RSU1: variants seen among roughly 807,000 people sequenced by gnomAD.
RSU1 encodes the protein Ras suppressor protein 1.
A neutral mutation model predicts 31.1 loss-of-function variants in RSU1; 26 were observed. The ratio of observed to expected loss-of-function variants is 0.84; its 90% CI spans 0.61 to 1.16. RSU1 has a LOEUF of 1.16. Among genes scored for constraint, RSU1 ranks in the 50% most tolerant of loss-of-function variants. RSU1 has a pLI of 0.00. For synonymous variants in RSU1, 164 were observed against 136.3 expected (o/e 1.20, Z -1.41); for missense variants, 320 against 339.1 (o/e 0.94, Z 0.44).
rs536077156 is a variant in RSU1 at position 16,591,652 on chromosome 10, T to C, written c.*1742A>G. ...CAGTGAGTCTTCGATGATTGCTTCATGTTTCTGGGAGGTATTTCGTTCCTG... is the reference window on the plus strand; with the variant it reads ...CAGTGAGTCTTCGATGATTGCTTCACGTTTCTGGGAGGTATTTCGTTCCTG... On this transcript the variant is annotated 3_prime_UTR_variant, in exon 9 of 9. Transcript: ENST00000345264. The C allele has an allele frequency of 2.6e-5, 4 of 152,326 alleles. No individual in the cohort carries two copies. In the South Asian group the frequency reaches 8.3e-4, roughly 32 times the overall value. The allele number at this position is 152,326 out of a possible 1,614,324, so 9.4% of individuals were successfully genotyped here. A position where few individuals can be genotyped will look rare whatever the true frequency, so the allele number is the denominator to read the frequency against.
chr10:16,638,214 C>T (rs74738889), intron 8 of RSU1, among the ~76,000 whole-genome samples: 218 of 152,214 alleles, frequency 1.4e-3, no homozygotes, highest in Middle Eastern at 6.8e-3. Context: ...CAAGCTGGGT[C>T]GGCTCCCTGG....
chr10:16,772,972 C>A (rs755661762), intron 3 of RSU1, among the ~76,000 whole-genome samples: 7 of 151,992 alleles, frequency 4.6e-5, no homozygotes, highest in Admixed American at 2.6e-4. Flanking sequence ...TTTGAGAGGC[C>A]GAGGTGGGTG....
At chr10:16,740,362 G>C (rs1836726034) in intron 7 of RSU1, among the ~76,000 whole-genome samples, 1 of 152,110 alleles carries the variant, frequency 6.6e-6, no homozygotes, top group African/African-American at 2.4e-5. Context: ...AATCTGACAA[G>C]GTTTACACAA....
At position 16,600,701 on chromosome 10, in the gene RSU1, A is replaced by G. The variant is rs144457919; in HGVS notation, c.732-7205T>C. Among the ~76,000 whole-genome samples, 151 of 152,060 alleles carry G rather than the reference A, an allele frequency of 9.9e-4. No individual in the cohort carries two copies. In the East Asian group the frequency reaches 0.015, roughly 15 times the overall value. ...CTCAGCCTCCCAAGTAGCTGGGGCT[A>G]CAGGTGCAGATCACCATGCCCAGCT... On this transcript the variant is annotated intron_variant, in intron 8 of 8. Coordinates refer to ENST00000345264, the MANE Select transcript of RSU1 (RefSeq NM_012425.4).
At chr10:16,670,217 G>C (rs767227966) in intron 8 of RSU1, among the ~76,000 whole-genome samples, 1 of 152,176 alleles carries the variant, frequency 6.6e-6, no homozygotes, top group African/African-American at 2.4e-5. Context: ...AGAAGAAAGC[G>C]CAGGGGCTAG....
intron 8 of RSU1, among the ~76,000 whole-genome samples, chr10:16,683,117 A>T (rs760937127): frequency 4.8e-5 from 7 of 146,922 alleles, no homozygotes; most frequent in Non-Finnish European, 1.1e-4. Flanking sequence ...CTGGAGAATA[A>T]CATGATGTTG....
intron 7 of RSU1, among the ~76,000 whole-genome samples, chr10:16,705,039 C>G (rs780283185): frequency 6.6e-6 from 1 of 152,094 alleles, no homozygotes; most frequent in Non-Finnish European, 1.5e-5. Flanking sequence ...TTTCTCCTTT[C>G]CCTTATCTCT....
intron 7 of RSU1, among the ~76,000 whole-genome samples, chr10:16,734,498 A>T (rs963279777): frequency 6.6e-6 from 1 of 152,222 alleles, no homozygotes; most frequent in African/African-American, 2.4e-5. Context: ...ATGCGTGGAT[A>T]TGGGGGCATC....
rs10608514 is a variant in RSU1 at position 16,614,409 on chromosome 10, TA to T, written c.732-20914del. On this transcript the variant is annotated intron_variant, in intron 8 of 8. Coordinates refer to ENST00000345264, the MANE Select transcript of RSU1 (RefSeq NM_012425.4). ...AGGAAAAGTAGCAATGGTTAATGGTTAAAAAAAAAAATAGAATGAACAATAA... is the reference window on the plus strand; with the variant it reads ...AGGAAAAGTAGCAATGGTTAATGGTTAAAAAAAAAATAGAATGAACAATAA... 1.1e-3 allele frequency among the ~76,000 whole-genome samples: 165 copies of T among 145,210 alleles called. 2 individuals are homozygous for T. The East Asian group carries it at 0.021, about 18-fold the overall frequency.
intron 8 of RSU1, among the ~76,000 whole-genome samples, chr10:16,640,392 C>A (rs951203089): frequency 3.9e-5 from 6 of 152,124 alleles, no homozygotes; most frequent in Non-Finnish European, 7.4e-5. Flanking sequence ...TCATCTGGCT[C>A]CTGAAATAGC....
intron 8 of RSU1, among the ~76,000 whole-genome samples, chr10:16,647,000 A>G (rs1455541141): frequency 2.0e-5 from 3 of 150,870 alleles, no homozygotes; most frequent in African/African-American, 4.9e-5. Flanking sequence ...TTTTTTTGAG[A>G]TGGAGTCTCT....
chr10:16,687,177 A>G (rs1228776843), intron 8 of RSU1, among the ~76,000 whole-genome samples: 1 of 152,196 alleles, frequency 6.6e-6, no homozygotes, highest in African/African-American at 2.4e-5. Context: ...CACGTATACA[A>G]TGGAGTCTTA....
At chr10:16,765,624 C>T (rs1837298949) in intron 3 of RSU1, among the ~76,000 whole-genome samples, 1 of 152,198 alleles carries the variant, frequency 6.6e-6, no homozygotes, top group Non-Finnish European at 1.5e-5. Flanking sequence ...ATTCATCTAT[C>T]CCACTTGCTA....
chr10:16,711,822 AT>A (rs1399501833), intron 7 of RSU1, among the ~76,000 whole-genome samples: 2 of 152,204 alleles, frequency 1.3e-5, no homozygotes, highest in East Asian at 1.9e-4. Flanking sequence ...ATCCTGGAGA[AT>A]GTTTCATGTG....
intron 8 of RSU1, among the ~76,000 whole-genome samples, chr10:16,662,876 G>A (rs1011184852): frequency 1.3e-5 from 2 of 151,662 alleles, no homozygotes; most frequent in African/African-American, 4.8e-5. Context: ...TAACTATTCT[G>A]TGAAGTTAAA....
chr10:16,766,425 A>G (rs370992848), intron 3 of RSU1, among the ~76,000 whole-genome samples: 8 of 152,296 alleles, frequency 5.3e-5, no homozygotes, highest in East Asian at 3.9e-4. Context: ...TTACCAAGAA[A>G]ATCACCAGGG....
chr10:16,814,533 T>C (rs1413865601), intron 2 of RSU1, among the ~76,000 whole-genome samples: 1 of 152,068 alleles, frequency 6.6e-6, no homozygotes. Flanking sequence ...CTTGTATATA[T>C]TAAGCACTGT....
intron 4 of RSU1, among the ~76,000 whole-genome samples, chr10:16,761,389 T>G (rs1051477419): frequency 6.6e-6 from 1 of 152,202 alleles, no homozygotes; most frequent in African/African-American, 2.4e-5. Flanking sequence ...GAACAATGCC[T>G]GGTACATGGT....
intron 8 of RSU1, among the ~76,000 whole-genome samples, chr10:16,617,457 C>T (rs915175412): frequency 7.2e-5 from 11 of 152,108 alleles, no homozygotes; most frequent in African/African-American, 2.4e-4. Flanking sequence ...GCTACCATTG[C>T]CTTTCTTCAC....
Sources: allele counts gnomAD v4.1 joint callset (sites outside exome capture counted in the v4.1 genomes callset), GRCh38; gene constraint gnomAD v4.1.1; transcripts MANE v1.5; gene names NCBI Gene and HGNC (gene_info 2026-07-23, HGNC 2026-07-21).